The following RPSA2 variants were observed in gnomAD, a reference collection of about 807,000 sequenced individuals.
RPSA2 encodes ribosomal protein SA 2, also known as small ribosomal subunit protein uS2B.
At chr19:23,809,951 A>G in the RPSA2 span, among the ~76,000 whole-genome samples, 9 of 148,054 alleles carry the variant, frequency 6.1e-5, no homozygotes, top group Non-Finnish European at 1.2e-4. Flanking sequence ...AAGATTTTAT[A>G]AACTGGTTTC....
At chr19:23,860,606 A>C in the RPSA2 span, among the ~76,000 whole-genome samples, 1,522 of 152,286 alleles carry the variant, frequency 1.0e-2, 25 homozygotes, top group African/African-American at 0.035. Context: ...AAGCTTGCTG[A>C]TAGTGATCTT....
the RPSA2 span, among the ~76,000 whole-genome samples, chr19:23,808,213 T>G: frequency 6.6e-6 from 1 of 151,704 alleles, no homozygotes; most frequent in Non-Finnish European, 1.5e-5. Flanking sequence ...AATCTAATTA[T>G]CATCACCAGT....
chr19:23,820,420 A>G, the RPSA2 span, among the ~76,000 whole-genome samples: 3 of 152,326 alleles, frequency 2.0e-5, no homozygotes, highest in Admixed American at 6.5e-5. Context: ...TGGGCAAACC[A>G]GGCCCTGTCA....
chr19:23,845,847 G>C, the RPSA2 span, among the ~76,000 whole-genome samples: 3 of 105,996 alleles, frequency 2.8e-5, no homozygotes, highest in Non-Finnish European at 4.4e-5. Context: ...TGTTTTAATT[G>C]TTTGTAAATT....
the RPSA2 span, among the ~76,000 whole-genome samples, chr19:23,854,060 C>T: frequency 8.5e-5 from 13 of 152,234 alleles, no homozygotes; most frequent in South Asian, 2.1e-4. Context: ...CCCAGGGCCC[C>T]GTGTCTTATC....
At chr19:23,846,842 G>A in the RPSA2 span, among the ~76,000 whole-genome samples, 1 of 152,108 alleles carries the variant, frequency 6.6e-6, no homozygotes, top group Admixed American at 6.5e-5. Flanking sequence ...GCCATATTGA[G>A]GTCTGTTTTG....
the RPSA2 span, among the ~76,000 whole-genome samples, chr19:23,813,502 A>G: frequency 2.6e-5 from 4 of 152,062 alleles, no homozygotes; most frequent in African/African-American, 7.2e-5. Flanking sequence ...TAATATTTTC[A>G]AAGTGTATCT....
At chr19:23,838,938 G>A in the RPSA2 span, among the ~76,000 whole-genome samples, 2 of 151,802 alleles carry the variant, frequency 1.3e-5, no homozygotes, top group African/African-American at 4.8e-5. Context: ...TTATTTGTTT[G>A]TTTCAATTTC....
At chr19:23,806,077 C>T in the RPSA2 span, among the ~76,000 whole-genome samples, 1 of 135,196 alleles carries the variant, frequency 7.4e-6, no homozygotes, top group African/African-American at 2.7e-5. Flanking sequence ...CGGAACCTCA[C>T]TCTGTCGTCC....
the RPSA2 span, among the ~76,000 whole-genome samples, chr19:23,767,857 C>A: frequency 6.6e-6 from 1 of 151,342 alleles, no homozygotes; most frequent in African/African-American, 2.4e-5. Flanking sequence ...ACCTCCGCCT[C>A]CCGGGTTCAA....
At chr19:23,858,001 T>A in the RPSA2 span, among the ~76,000 whole-genome samples, 18 of 152,078 alleles carry the variant, frequency 1.2e-4, no homozygotes, top group African/African-American at 3.9e-4. Context: ...AGCTTTTTTT[T>A]AAATTGAAGT....
At chr19:23,868,282 G>GGCTTGT in the RPSA2 span, among the ~76,000 whole-genome samples, 1 of 152,174 alleles carries the variant, frequency 6.6e-6, no homozygotes, top group Non-Finnish European at 1.5e-5. Context: ...CTATTAATCA[G>GGCTTGT]AGACATGCTA....
chr19:23,763,600 C>T, the RPSA2 span, among the ~76,000 whole-genome samples: 1 of 152,176 alleles, frequency 6.6e-6, no homozygotes, highest in East Asian at 1.9e-4. Context: ...TCCCGAGAAG[C>T]TGGGATTACA....
chr19:23,769,202 T>A, the RPSA2 span, among the ~76,000 whole-genome samples: 1 of 152,238 alleles, frequency 6.6e-6, no homozygotes, highest in Non-Finnish European at 1.5e-5. Context: ...ATGACTCTTT[T>A]CTTAGGCCTG....
the RPSA2 span, among the ~76,000 whole-genome samples, chr19:23,811,633 G>A: frequency 0.98 from 148,903 of 152,224 alleles, 72,919 homozygotes; most frequent in Middle Eastern, 1. Flanking sequence ...TAGAATTTAC[G>A]TGTTGTGCCT....
At chr19:23,838,818 G>A in the RPSA2 span, among the ~76,000 whole-genome samples, 2 of 151,846 alleles carry the variant, frequency 1.3e-5, no homozygotes, top group Non-Finnish European at 2.9e-5. Context: ...TTCTCAGTGA[G>A]GTTATTTGGA....
chr19:23,829,558 C>T, the RPSA2 span, among the ~76,000 whole-genome samples: 1 of 152,200 alleles, frequency 6.6e-6, no homozygotes, highest in Non-Finnish European at 1.5e-5. Context: ...GCCTCGGCCT[C>T]CCAAAGTGCT....
the RPSA2 span, among the ~76,000 whole-genome samples, chr19:23,843,665 C>T: frequency 3.3e-5 from 5 of 152,290 alleles, no homozygotes; most frequent in African/African-American, 1.2e-4. Context: ...TGTGTGAGAG[C>T]AGTGGTGATA....
chr19:23,807,415 T>A, the RPSA2 span, among the ~76,000 whole-genome samples: 1 of 152,248 alleles, frequency 6.6e-6, no homozygotes, highest in Non-Finnish European at 1.5e-5. Flanking sequence ...CAGTTTATTG[T>A]ACACATTAAA....
Sources: gnomAD v4.1 joint callset for allele counts (sites outside exome capture counted in the v4.1 genomes callset) on GRCh38, gnomAD v4.1.1 for gene constraint, MANE v1.5 for transcripts, NCBI Gene and HGNC (gene_info 2026-07-23, HGNC 2026-07-21) for gene names.